The following CNTN5 variants were observed in gnomAD, a reference collection of about 807,000 sequenced individuals.
CNTN5 encodes the protein contactin 5.
Under a neutral mutation model 129.1 loss-of-function variants are expected in CNTN5, and 77 were observed. The ratio of observed to expected loss-of-function variants is 0.60; its 90% confidence interval spans 0.50 to 0.72. The LOEUF (loss-of-function observed/expected upper bound fraction) is 0.72. CNTN5 is among the 30% of genes least tolerant of loss of function. The pLI, the probability that CNTN5 is intolerant of heterozygous loss-of-function variation, is 0.00. For missense variants in CNTN5, 1,478 were observed against 1,328.8 expected (o/e 1.11, Z -1.75); for synonymous variants, 509 against 465.6 (o/e 1.09, Z -1.20).
chr11:99,046,351 G>A (rs2135157494), intron 1 of CNTN5, among the ~76,000 whole-genome samples: 1 of 152,064 alleles, frequency 6.6e-6, no homozygotes, highest in Non-Finnish European at 1.5e-5. Context: ...AAAAAGAAAA[G>A]TCTAAGAAAT....
At chr11:100,289,769 G>C (rs1268649395) in intron 18 of CNTN5, among the ~76,000 whole-genome samples, 1 of 150,592 alleles carries the variant, frequency 6.6e-6, no homozygotes, top group East Asian at 1.9e-4. Flanking sequence ...GGGCAATCAG[G>C]CAGGAGAAGG....
chr11:99,394,521 T>A (rs1565546137), intron 2 of CNTN5, among the ~76,000 whole-genome samples: 2 of 151,002 alleles, frequency 1.3e-5, no homozygotes, highest in Non-Finnish European at 3.0e-5. Context: ...TTTCTTTTTT[T>A]AAAATTATGT....
chr11:99,333,537 A>G (rs1866089871), intron 2 of CNTN5, among the ~76,000 whole-genome samples: 1 of 152,082 alleles, frequency 6.6e-6, no homozygotes. Flanking sequence ...TACTTAAAAT[A>G]ATAAAACATT....
chr11:99,476,555 C>T (rs1284528840), intron 2 of CNTN5, among the ~76,000 whole-genome samples: 1 of 152,070 alleles, frequency 6.6e-6, no homozygotes, highest in Non-Finnish European at 1.5e-5. Flanking sequence ...GTTACCTAAA[C>T]ATTCTGGTCA....
chr11:99,634,970 A>T (rs1951498451), intron 3 of CNTN5, among the ~76,000 whole-genome samples: 1 of 152,196 alleles, frequency 6.6e-6, no homozygotes, highest in African/African-American at 2.4e-5. Flanking sequence ...GAAAATAGGA[A>T]ATAGATAAAT....
chr11:99,776,056 G>A (rs1591149570), intron 3 of CNTN5, among the ~76,000 whole-genome samples: 1 of 151,702 alleles, frequency 6.6e-6, no homozygotes, highest in Non-Finnish European at 1.5e-5. Context: ...ATTTATTTCT[G>A]CCCTTGAAAT....
chr11:100,312,057 G>A (rs1002896787), intron 21 of CNTN5, among the ~76,000 whole-genome samples: 1 of 151,932 alleles, frequency 6.6e-6, no homozygotes, highest in African/African-American at 2.4e-5. Context: ...CAAACAAACC[G>A]GGACAGAATT....
intron 18 of CNTN5, among the ~76,000 whole-genome samples, chr11:100,291,711 C>T (rs1198692683): frequency 6.7e-6 from 1 of 149,634 alleles, no homozygotes; most frequent in African/African-American, 2.5e-5. Flanking sequence ...TGTAACTAAC[C>T]TGCACAATGT....
At chr11:99,523,227 T>C (rs902888960) in intron 2 of CNTN5, among the ~76,000 whole-genome samples, 3 of 152,200 alleles carry the variant, frequency 2.0e-5, no homozygotes, top group African/African-American at 7.2e-5. Context: ...GTACATTGAG[T>C]ATACTCTTAT....
chr11:99,140,249 A>G (rs1036135090), intron 1 of CNTN5, among the ~76,000 whole-genome samples: 8 of 152,194 alleles, frequency 5.3e-5, no homozygotes, highest in Admixed American at 4.6e-4. Context: ...TTACACATGG[A>G]GGTTAGTAAC....
intron 1 of CNTN5, among the ~76,000 whole-genome samples, chr11:99,166,885 A>G (rs1860900679): frequency 6.6e-6 from 1 of 152,042 alleles, no homozygotes; most frequent in Admixed American, 6.6e-5. Flanking sequence ...CATTGAAAAA[A>G]TCCACACGAA....
chr11:99,041,103 C>T (rs1355744982), intron 1 of CNTN5, among the ~76,000 whole-genome samples: 3 of 152,218 alleles, frequency 2.0e-5, no homozygotes, highest in Admixed American at 6.5e-5. Context: ...CTGGCCTGGC[C>T]TTTAATTTTC....
chr11:99,579,462 G>T (rs1949491329), intron 3 of CNTN5, among the ~76,000 whole-genome samples: 1 of 151,150 alleles, frequency 6.6e-6, no homozygotes, highest in Non-Finnish European at 1.5e-5. Flanking sequence ...CTACCCATGA[G>T]CATGGAATGT....
chr11:99,648,389 A>G (rs1441106406), intron 3 of CNTN5, among the ~76,000 whole-genome samples: 1 of 151,944 alleles, frequency 6.6e-6, no homozygotes, highest in African/African-American at 2.4e-5. Flanking sequence ...CCAAGTTACA[A>G]TGACTATTAT....
At chr11:99,705,561 A>G (rs988534331) in intron 3 of CNTN5, among the ~76,000 whole-genome samples, 4 of 151,318 alleles carry the variant, frequency 2.6e-5, no homozygotes, top group Non-Finnish European at 5.9e-5. Context: ...TATTAGGCCT[A>G]ATTTTTTTAC....
intron 2 of CNTN5, among the ~76,000 whole-genome samples, chr11:99,440,329 C>T (rs868584910): frequency 2.0e-4 from 30 of 151,936 alleles, no homozygotes; most frequent in African/African-American, 7.2e-4. Flanking sequence ...GGAATTATTA[C>T]TAACATTTAA....
intron 1 of CNTN5, among the ~76,000 whole-genome samples, chr11:99,079,770 A>G (rs1229895215): frequency 1.3e-5 from 2 of 152,166 alleles, no homozygotes; most frequent in African/African-American, 4.8e-5. Flanking sequence ...TCTGACTATA[A>G]AGCCCTTAAT....
At chr11:100,087,598 C>A (rs1276373910) in intron 13 of CNTN5, among the ~76,000 whole-genome samples, 3 of 151,796 alleles carry the variant, frequency 2.0e-5, no homozygotes, top group Non-Finnish European at 2.9e-5. Flanking sequence ...CCTAAATATA[C>A]ATTCACCCAA....
intron 21 of CNTN5, among the ~76,000 whole-genome samples, chr11:100,326,117 A>G (rs1951782319): frequency 6.6e-6 from 1 of 152,220 alleles, no homozygotes; most frequent in African/African-American, 2.4e-5. Context: ...TGTAAACTTG[A>G]TAGTATTAAC....
Sources: allele counts gnomAD v4.1 joint callset (sites outside exome capture counted in the v4.1 genomes callset), GRCh38; gene constraint gnomAD v4.1.1; transcripts MANE v1.5; gene names NCBI Gene and HGNC (gene_info 2026-07-23, HGNC 2026-07-21).